Variants in ARHGAP15 observed in about 807,000 individuals in gnomAD.
ARHGAP15 encodes the protein Rho GTPase activating protein 15.
Under a neutral mutation model 63.7 loss-of-function variants are expected in ARHGAP15, and 51 were observed. The observed-to-expected ratio is 0.80, with a 90% CI of 0.64 to 1.01. The LOEUF is 1.01. ARHGAP15 is among the 50% of genes least tolerant of loss of function. The pLI is 0.00. For missense variants in ARHGAP15, 560 were observed against 564.6 expected (o/e 0.99, Z 0.08); for synonymous variants, 191 against 193.8 (o/e 0.99, Z 0.12).
intron 8 of ARHGAP15, among the ~76,000 whole-genome samples, chr2:143,438,138 A>AT (rs557205342): frequency 1.4e-4 from 21 of 151,992 alleles, no homozygotes; most frequent in South Asian, 4.2e-4. Context: ...GCAAATCATC[A>AT]TTTTTTTCCT....
intron 13 of ARHGAP15, among the ~76,000 whole-genome samples, chr2:143,739,602 T>C (rs1281207006): frequency 6.6e-6 from 1 of 152,116 alleles, no homozygotes; most frequent in Non-Finnish European, 1.5e-5. Flanking sequence ...TCAGAAAGGG[T>C]TGATATTTTC....
At chr2:143,338,359 TC>T (rs1321185508) in intron 6 of ARHGAP15, among the ~76,000 whole-genome samples, 2 of 152,186 alleles carry the variant, frequency 1.3e-5, no homozygotes, top group Non-Finnish European at 2.9e-5. Context: ...TACCTTCAAC[TC>T]ACGTGGATCA....
intron 5 of ARHGAP15, among the ~76,000 whole-genome samples, chr2:143,249,069 A>T (rs1310760457): frequency 6.6e-6 from 1 of 152,216 alleles, no homozygotes; most frequent in Non-Finnish European, 1.5e-5. Context: ...CATGCTTTGA[A>T]ATCTAAAATA....
intron 5 of ARHGAP15, among the ~76,000 whole-genome samples, chr2:143,235,618 A>G (rs1693613019): frequency 6.6e-6 from 1 of 152,204 alleles, no homozygotes; most frequent in African/African-American, 2.4e-5. Flanking sequence ...AGTACTAGTC[A>G]GTGGTATGTG....
chr2:143,582,829 G>A (rs1696964026), intron 11 of ARHGAP15, among the ~76,000 whole-genome samples: 1 of 152,184 alleles, frequency 6.6e-6, no homozygotes, highest in Non-Finnish European at 1.5e-5. Context: ...TGGGTGAGGA[G>A]GAGACAATAC....
intron 8 of ARHGAP15, among the ~76,000 whole-genome samples, chr2:143,455,198 T>G (rs79136358): frequency 0.081 from 12,383 of 151,962 alleles, 727 homozygotes; most frequent in Non-Finnish European, 0.12. Context: ...AAACAAGGTG[T>G]GGCTTATTCA....
chr2:143,442,863 A>G (rs1224474091), intron 8 of ARHGAP15, among the ~76,000 whole-genome samples: 2 of 152,158 alleles, frequency 1.3e-5, no homozygotes, highest in African/African-American at 2.4e-5. Flanking sequence ...AAGAATATAC[A>G]TATTTTCTGA....
intron 9 of ARHGAP15, among the ~76,000 whole-genome samples, chr2:143,504,561 A>G (rs1430962279): frequency 3.3e-5 from 5 of 152,256 alleles, no homozygotes; most frequent in Non-Finnish European, 1.5e-5. Context: ...TGAACAGAGT[A>G]ACACTGACCT....
chr2:143,539,159 A>T (rs938417354), intron 10 of ARHGAP15, among the ~76,000 whole-genome samples: 7 of 152,170 alleles, frequency 4.6e-5, no homozygotes, highest in African/African-American at 1.7e-4. Flanking sequence ...TTTCTAGTTT[A>T]TTTGTGTAGA....
chr2:143,478,751 A>G (rs543977227), intron 8 of ARHGAP15, among the ~76,000 whole-genome samples: 174 of 152,330 alleles, frequency 1.1e-3, no homozygotes, highest in African/African-American at 4.2e-3. Context: ...GCAAAAGTGG[A>G]AATTAAGACT....
chr2:143,379,487 A>ATGTGTGTGTGTGTGTGTGTG (rs58976215), intron 6 of ARHGAP15, among the ~76,000 whole-genome samples: 18 of 129,764 alleles, frequency 1.4e-4, no homozygotes, highest in Non-Finnish European at 2.5e-4. Flanking sequence ...AGGCATATAT[A>ATGTGTGTGTGTGTGTGTGTG]TGTGTGTGTG....
At chr2:143,538,525 A>C (rs568233854) in intron 10 of ARHGAP15, among the ~76,000 whole-genome samples, 1 of 152,180 alleles carries the variant, frequency 6.6e-6, no homozygotes, top group African/African-American at 2.4e-5. Context: ...TCTGTGATAG[A>C]TAGCTCTTAT....
intron 12 of ARHGAP15, among the ~76,000 whole-genome samples, chr2:143,679,584 T>C (rs1165686307): frequency 6.6e-6 from 1 of 152,118 alleles, no homozygotes; most frequent in Non-Finnish European, 1.5e-5. Context: ...CAGAAAAGCA[T>C]GAAGATTCCT....
chr2:143,621,185 T>C (rs1374335435), intron 11 of ARHGAP15, among the ~76,000 whole-genome samples: 1 of 152,140 alleles, frequency 6.6e-6, no homozygotes, highest in Non-Finnish European at 1.5e-5. Context: ...CATACTAGAA[T>C]GTACAAGACA....
intron 1 of ARHGAP15, among the ~76,000 whole-genome samples, chr2:143,149,928 A>C (rs1689748679): frequency 6.6e-6 from 1 of 152,096 alleles, no homozygotes; most frequent in Non-Finnish European, 1.5e-5. Context: ...ATACATACCT[A>C]ACGTGGCTAC....
intron 12 of ARHGAP15, among the ~76,000 whole-genome samples, chr2:143,638,868 A>C (rs930644098): frequency 6.6e-6 from 1 of 151,988 alleles, no homozygotes; most frequent in Non-Finnish European, 1.5e-5. Flanking sequence ...TAGTATACTT[A>C]CCATACTTTT....
At chr2:143,433,590 G>C (rs1453055773) in intron 6 of ARHGAP15, among the ~76,000 whole-genome samples, 1 of 152,020 alleles carries the variant, frequency 6.6e-6, no homozygotes, top group Non-Finnish European at 1.5e-5. Context: ...GCATTGCATA[G>C]CATGCACCAA....
At chr2:143,421,895 GA>G (rs745811228) in intron 6 of ARHGAP15, among the ~76,000 whole-genome samples, 1 of 151,468 alleles carries the variant, frequency 6.6e-6, no homozygotes, top group Non-Finnish European at 1.5e-5. Context: ...GAGAGAAAGA[GA>G]AAGGGGGGGA....
rs1682042662 is a variant in ARHGAP15, at chr2:143,664,553, G to T, written c.1139-38866G>T. ...ACATTCAAAAGCTAGCAGAAGGCAA[G>T]AAATAACTAAAATCAGAGCAGAACT... On this transcript the variant is annotated intron_variant, in intron 12 of 13. Coordinates refer to ENST00000295095, the MANE Select transcript of ARHGAP15 (RefSeq NM_018460.4). Among the ~76,000 whole-genome samples the T allele has an allele frequency of 2.6e-5, 4 of 151,500 alleles. No homozygotes were observed. In the South Asian group the frequency reaches 8.4e-4, roughly 32 times the overall value.
Sources: allele counts gnomAD v4.1 joint callset (sites outside exome capture counted in the v4.1 genomes callset), GRCh38; gene constraint gnomAD v4.1.1; transcripts MANE v1.5; gene names NCBI Gene and HGNC (gene_info 2026-07-23, HGNC 2026-07-21).